The following CEMIP2 variants were observed in gnomAD, a reference collection of about 807,000 sequenced individuals.
CEMIP2 encodes cell surface hyaluronidase CEMIP2.
In CEMIP2, 79 loss-of-function variants were observed where a neutral mutation model predicts 146.9. The observed-to-expected ratio is 0.54, with a 90% CI of 0.45 to 0.65. CEMIP2 has a LOEUF of 0.65. Ranked by LOEUF, CEMIP2 falls within the 30% of genes least tolerant of loss-of-function variation. The pLI, the probability that CEMIP2 is intolerant of heterozygous loss-of-function variation, is 0.00. For synonymous variants in CEMIP2, 601 were observed against 606.3 expected (o/e 0.99, Z 0.13); for missense variants, 1,596 against 1,696.2 (o/e 0.94, Z 1.04).
chr9:71,689,015 C>A (rs1249617695), intron 22 of CEMIP2, among the ~76,000 whole-genome samples: 1 of 152,140 alleles, frequency 6.6e-6, no homozygotes, highest in African/African-American at 2.4e-5. Flanking sequence ...GTTGGTTTTA[C>A]CTCTTAAATC....
At chr9:71,734,015 T>G (rs986287743) in intron 6 of CEMIP2, among the ~76,000 whole-genome samples, 6 of 152,070 alleles carry the variant, frequency 3.9e-5, no homozygotes, top group African/African-American at 1.4e-4. Context: ...TGGCTAATGT[T>G]TTTTGTATAT....
chr9:71,731,120 C>G (rs1823603928), intron 7 of CEMIP2: 1 of 591,424 alleles, frequency 1.7e-6, no homozygotes, highest in Non-Finnish European at 3.0e-6. Flanking sequence ...ACAAAAATAG[C>G]CTCCAATTAG....
In CEMIP2 at chr9:71,685,353, T is replaced by TC; in HGVS notation, c.3995_3996insG (p.Ser1333IlefsTer4). The TC allele has an allele frequency of 6.4e-7, 1 of 1,568,666 alleles. No homozygotes were observed. Among genetic ancestry groups the TC allele is most frequent in the Non-Finnish European group, 8.6e-7 (1 of 1,166,562 alleles). On this transcript the variant is annotated frameshift_variant, in exon 24 of 24. Transcript: ENST00000377044. LOFTEE classifies it high-confidence loss of function. ...GACTGGTAAATAGCTTAGTCCATGA[T>TC]GGTTTAAAGTTTCCACTGAATCCCA...
rs933516359 is a variant in CEMIP2 at position 71,704,597 on chromosome 9, G to A, written c.3192C>T (p.Asn1064=). The A allele has an allele frequency of 1.2e-6, 2 of 1,613,938 alleles. No homozygotes were observed. Among genetic ancestry groups the A allele is most frequent in the Admixed American group, 1.7e-5 (1 of 60,004 alleles). The change falls in exon 18 of 24, where the codon AAC becomes AAT. Residue 1064 remains asparagine (N), a splice_region_variant and synonymous_variant. Transcript: ENST00000377044. ...RTTFLYLVNF[N]KNDWIRVGLC... ...AAATAACAGTAACAGAAACATACTTGTTGAAGTTGACGAGGTATAGAAATG... is the reference window on the plus strand; with the variant it reads ...AAATAACAGTAACAGAAACATACTTATTGAAGTTGACGAGGTATAGAAATG...
chr9:71,736,104 C>T (rs1823753463), intron 5 of CEMIP2, among the ~76,000 whole-genome samples: 1 of 152,160 alleles, frequency 6.6e-6, no homozygotes, highest in Non-Finnish European at 1.5e-5. Flanking sequence ...AAAAAAATAA[C>T]ATAAAAATCT....
chr9:71,750,089 A>G lies in CEMIP2; in HGVS notation c.285T>C (p.Ile95=). 6.2e-7 allele frequency: 1 copy of G among 1,613,264 alleles called. No homozygotes were observed. Among genetic ancestry groups the G allele is most frequent in the South Asian group, 1.1e-5 (1 of 90,996 alleles). ...CFAITSFSFF[I]ALAIILGISS... is the part of the protein sequence containing the mutation. ...ATATTCCTAAAATGATTGCAAGTGCAATAAAAAATGAGAAACTAGTAATAG... is the reference window on the plus strand; with the variant it reads ...ATATTCCTAAAATGATTGCAAGTGCGATAAAAAATGAGAAACTAGTAATAG... The change falls in exon 2 of 24, where the codon ATT becomes ATC. Residue 95 remains isoleucine, a synonymous_variant. Transcript: ENST00000377044.
chr9:71,702,167 A>G lies in CEMIP2; in HGVS notation c.3195-1343T>C, dbSNP rs529211636. 6.9e-4 allele frequency among the ~76,000 whole-genome samples: 105 copies of G among 151,456 alleles called. 1 individual carries two copies. Among genetic ancestry groups the G allele is most frequent in the African/African-American group, 2.3e-3 (95 of 41,320 alleles). ...CAGATACCTGGGAGGCTTAGGTAGG[A>G]GGATCAACTTAACCCAGGAGGCGGA... is the stretch of plus-strand genomic sequence containing the variant. On this transcript the variant is annotated intron_variant, in intron 18 of 23. Transcript: ENST00000377044.
intron 15 of CEMIP2, among the ~76,000 whole-genome samples, chr9:71,713,837 C>G (rs1822974786): frequency 6.6e-6 from 1 of 152,144 alleles, no homozygotes; most frequent in Admixed American, 6.5e-5. Flanking sequence ...TCTCATTGAG[C>G]TTTGTGAGGA....
At chr9:71,726,898 A>C (rs1458809980) in intron 10 of CEMIP2, among the ~76,000 whole-genome samples, 1 of 152,190 alleles carries the variant, frequency 6.6e-6, no homozygotes, top group Non-Finnish European at 1.5e-5. Context: ...CCATCCTAGG[A>C]TGCAATGGAG....
At chr9:71,740,990 T>C (rs1823896960) in intron 4 of CEMIP2, among the ~76,000 whole-genome samples, 2 of 152,176 alleles carry the variant, frequency 1.3e-5, no homozygotes, top group South Asian at 4.1e-4. Flanking sequence ...TTAATGCTGC[T>C]GGTCAGGGCA....
intron 1 of CEMIP2, among the ~76,000 whole-genome samples, chr9:71,761,697 G>C (rs964396461): frequency 2.6e-5 from 4 of 152,142 alleles, no homozygotes; most frequent in African/African-American, 9.7e-5. Context: ...AGACACTGGA[G>C]ACCCAATAGT....
intron 22 of CEMIP2, among the ~76,000 whole-genome samples, chr9:71,688,468 G>A (rs1257139696): frequency 6.6e-6 from 1 of 151,744 alleles, no homozygotes; most frequent in Non-Finnish European, 1.5e-5. Context: ...TTGGCTCACT[G>A]CAAACTGCCT....
intron 2 of CEMIP2, among the ~76,000 whole-genome samples, chr9:71,748,057 C>T (rs1195823269): frequency 2.0e-5 from 3 of 152,206 alleles, no homozygotes; most frequent in Non-Finnish European, 4.4e-5. Context: ...TCTTCCCATA[C>T]AACATCTAGC....
At chr9:71,746,537 C>A (rs1203122340) in intron 2 of CEMIP2, among the ~76,000 whole-genome samples, 196 bp from the exon 3 acceptor site, 1 of 133,096 alleles carries the variant, frequency 7.5e-6, no homozygotes, top group Admixed American at 8.8e-5. Context: ...ATCACATTTC[C>A]ATTTTAAAGT....
chr9:71,722,312 C>A, intron 12 of CEMIP2, 115 bp downstream of exon 12: 1 of 787,434 alleles, frequency 1.3e-6, no homozygotes. Flanking sequence ...CTTTTACGAA[C>A]TTCTAAAACT....
intron 17 of CEMIP2, among the ~76,000 whole-genome samples, chr9:71,705,316 A>G (rs1398953228): frequency 6.6e-6 from 1 of 152,324 alleles, no homozygotes; most frequent in East Asian, 1.9e-4. Context: ...GTTATAAAGT[A>G]CTGTGCAACA....
At chr9:71,733,646 G>A (rs1371391418) in intron 6 of CEMIP2, among the ~76,000 whole-genome samples, 2 of 152,138 alleles carry the variant, frequency 1.3e-5, no homozygotes, top group Admixed American at 6.5e-5. Context: ...AACAGTTACT[G>A]TAAACTCTTT....
At chr9:71,752,088 G>A (rs961027117) in intron 1 of CEMIP2, among the ~76,000 whole-genome samples, 2 of 152,046 alleles carry the variant, frequency 1.3e-5, no homozygotes, top group Admixed American at 6.6e-5. Context: ...TTACACATGA[G>A]AGAAACTGAG....
chr9:71,763,873 T>C (rs969060546), intron 1 of CEMIP2, among the ~76,000 whole-genome samples: 2 of 152,258 alleles, frequency 1.3e-5, no homozygotes, highest in Non-Finnish European at 2.9e-5. Flanking sequence ...AATTTATCTC[T>C]GTATTGCTCA....
Sources: allele counts gnomAD v4.1 joint callset (sites outside exome capture counted in the v4.1 genomes callset), GRCh38; gene constraint gnomAD v4.1.1; transcripts MANE v1.5; gene names NCBI Gene and HGNC (gene_info 2026-07-23, HGNC 2026-07-21).